The following TTC28 variants were observed in gnomAD, a reference collection of about 807,000 sequenced individuals.
The protein encoded by TTC28 is tetratricopeptide repeat protein 28.
TTC28 carries 61 observed loss-of-function variants against 198.0 expected under a neutral mutation model. That is an observed-to-expected ratio of 0.31 (90% confidence interval 0.25 to 0.38). TTC28 has a LOEUF of 0.38. TTC28 is among the 10% of genes least tolerant of loss of function. TTC28 has a pLI of 1.00. For missense variants in TTC28, 2,678 were observed against 3,164.0 expected (o/e 0.85, Z 3.69); for synonymous variants, 1,171 against 1,297.8 (o/e 0.90, Z 2.10).
In TTC28 at chr22:27,992,663, C is replaced by T; in HGVS notation, c.5477G>A (p.Gly1826Asp). 1 of 1,551,276 alleles carries T rather than the reference C, an allele frequency of 6.4e-7. No individual in the cohort carries two copies. Among genetic ancestry groups the T allele is most frequent in the Non-Finnish European group, 8.7e-7 (1 of 1,146,918 alleles). Reference sequence around the variant, plus strand: ...GGCTTGGAGGGCAGGATTGGGCAGACCTAAACCAAGAAAAAAGGGTAGAAG... The same window carrying T: ...GGCTTGGAGGGCAGGATTGGGCAGATCTAAACCAAGAAAAAAGGGTAGAAG... ...QCSSTLQSLL[G>D]LPNPALQALC... The change falls in exon 19 of 23, where the codon GGT becomes GAT. Residue 1826 changes from glycine (G) to aspartate (D), a missense_variant and splice_region_variant. Gly to Asp is a moderately conservative substitution (Grantham distance 94). Around this residue, in one of 8 missense-constraint regions of TTC28, gnomAD observed 314 missense variants for 442.7 expected, o/e 0.71. Transcript: ENST00000397906.
intron 1 of TTC28, among the ~76,000 whole-genome samples, chr22:28,659,232 T>C (rs2051705411): frequency 6.6e-6 from 1 of 152,202 alleles, no homozygotes; most frequent in South Asian, 2.1e-4. Flanking sequence ...CTCTAAACAT[T>C]CAACTGTTTC....
At chr22:28,438,973 T>C (rs2047568616) in intron 2 of TTC28, among the ~76,000 whole-genome samples, 1 of 152,272 alleles carries the variant, frequency 6.6e-6, no homozygotes, top group East Asian at 1.9e-4. Context: ...TACAAAAGAT[T>C]AGAAATGAGT....
intron 2 of TTC28, among the ~76,000 whole-genome samples, chr22:28,444,937 T>C (rs1048352454): frequency 2.0e-5 from 3 of 152,178 alleles, no homozygotes; most frequent in Non-Finnish European, 2.9e-5. Context: ...ATATTTGACA[T>C]ATCAAAATCA....
At chr22:28,204,016 G>A (rs1189968480) in intron 5 of TTC28, among the ~76,000 whole-genome samples, 1 of 152,154 alleles carries the variant, frequency 6.6e-6, no homozygotes, top group African/African-American at 2.4e-5. Flanking sequence ...ACCTCTGCCT[G>A]TCAAAACTTC....
chr22:28,121,076 T>C (rs143178305), intron 6 of TTC28, among the ~76,000 whole-genome samples: 39 of 152,346 alleles, frequency 2.6e-4, no homozygotes, highest in Non-Finnish European at 4.4e-4. Context: ...TTCTGTTTAA[T>C]TGAGAGGAAC....
chr22:28,386,859 ATACTTT>A (rs1431983247), intron 2 of TTC28, among the ~76,000 whole-genome samples: 6 of 151,634 alleles, frequency 4.0e-5, no homozygotes, highest in Non-Finnish European at 7.4e-5. Context: ...TATTATTATT[ATACTTT>A]AAGTTTTAGG....
intron 5 of TTC28, among the ~76,000 whole-genome samples, chr22:28,275,132 A>G (rs1932339328): frequency 6.6e-6 from 1 of 152,214 alleles, no homozygotes; most frequent in South Asian, 2.1e-4. Flanking sequence ...TGGAAGAACC[A>G]GAAGAACTTT....
chr22:28,644,182 G>A (rs1448691626), intron 1 of TTC28, among the ~76,000 whole-genome samples: 3 of 150,632 alleles, frequency 2.0e-5, no homozygotes, highest in Admixed American at 1.3e-4. Flanking sequence ...GGCGGATCAC[G>A]AGGTCAGGAG....
intron 1 of TTC28, among the ~76,000 whole-genome samples, chr22:28,653,298 G>C (rs1337868374): frequency 6.6e-6 from 1 of 152,178 alleles, no homozygotes; most frequent in Non-Finnish European, 1.5e-5. Context: ...GAGCCCAGGA[G>C]TTCCAGACCA....
chr22:28,601,446 CTTCT>C (rs1364661705), intron 2 of TTC28, among the ~76,000 whole-genome samples: 1 of 152,092 alleles, frequency 6.6e-6, no homozygotes, highest in Non-Finnish European at 1.5e-5. Context: ...AACATATAGA[CTTCT>C]TTTTTTGTCA....
chr22:28,450,112 A>G (rs1446985778), intron 2 of TTC28, among the ~76,000 whole-genome samples: 1 of 152,156 alleles, frequency 6.6e-6, no homozygotes, highest in East Asian at 1.9e-4. Flanking sequence ...AGATATTGAT[A>G]TAGATATGGA....
At position 28,387,980 on chromosome 22, in the gene TTC28, C is replaced by T. The variant is rs62237626; in HGVS notation, c.382-81337G>A. On this transcript the variant is annotated intron_variant, in intron 2 of 22. Transcript: ENST00000397906. Reference sequence around the variant, plus strand: ...TTCTAGGGTTTTTATGGTTTTAGGTCTAACGTTTAAGTCTTTAATCCATCT... The same window carrying T: ...TTCTAGGGTTTTTATGGTTTTAGGTTTAACGTTTAAGTCTTTAATCCATCT... Among the ~76,000 whole-genome samples the T allele has an allele frequency of 2.6e-3, 402 of 152,236 alleles. 1 individual carries two copies. The highest frequency in any genetic ancestry group is 4.0e-3 in the Non-Finnish European group (274 of 68,016).
chr22:28,648,274 A>C (rs1454961701), intron 1 of TTC28, among the ~76,000 whole-genome samples: 1 of 151,882 alleles, frequency 6.6e-6, no homozygotes, highest in Non-Finnish European at 1.5e-5. Flanking sequence ...AGGGAAATGC[A>C]CATTAAAACC....
intron 5 of TTC28, among the ~76,000 whole-genome samples, chr22:28,170,980 CTT>C (rs76585422): frequency 3.8e-5 from 5 of 132,784 alleles, no homozygotes; most frequent in East Asian, 2.2e-4. Context: ...GCCACTCATT[CTT>C]TTTTTTTTTT....
intron 5 of TTC28, among the ~76,000 whole-genome samples, chr22:28,256,647 G>A (rs952658910): frequency 1.3e-5 from 2 of 152,166 alleles, no homozygotes; most frequent in African/African-American, 2.4e-5. Context: ...CAAGGCTGGA[G>A]ATATCACATT....
At chr22:28,085,235 GA>G (rs1941535242) in intron 12 of TTC28, among the ~76,000 whole-genome samples, 1 of 151,954 alleles carries the variant, frequency 6.6e-6, no homozygotes, top group Non-Finnish European at 1.5e-5. Context: ...TGAAATGAAG[GA>G]AAAAATGTTA....
intron 2 of TTC28, among the ~76,000 whole-genome samples, chr22:28,545,547 C>G (rs1489803738): frequency 6.6e-6 from 1 of 152,124 alleles, no homozygotes; most frequent in Non-Finnish European, 1.5e-5. Flanking sequence ...CCACTCTTCT[C>G]TAGCCCAGGT....
In TTC28 at chr22:27,983,615, C is replaced by T. The variant is rs1016281218; in HGVS notation, c.6052G>A (p.Gly2018Arg). Residue 2018 changes from glycine (G) to arginine (R), a missense_variant, in exon 23 of 23, where the codon GGA (glycine) becomes AGA (arginine). Around this residue, in one of 8 missense-constraint regions of TTC28, gnomAD observed 622 missense variants for 656.0 expected, o/e 0.95. Transcript: ENST00000397906. The stretch of plus-strand genomic sequence containing the variant: ...GACCGGTCATGGTCCTGCCGTCCTC[C>T]GGGGCCTCCACCCTCTGATCCACCC... ...PEGGSEGGGPGGRQDHDRSKN... is the reference protein window; with the variant it reads ...PEGGSEGGGPRGRQDHDRSKN... 13 of 1,544,722 alleles carry T rather than the reference C, an allele frequency of 8.4e-6. No individual in the cohort carries two copies. Among genetic ancestry groups the T allele is most frequent in the South Asian group, 2.4e-5 (2 of 83,126 alleles).
intron 2 of TTC28, among the ~76,000 whole-genome samples, chr22:28,432,694 T>A (rs1477396572): frequency 2.0e-5 from 3 of 152,232 alleles, no homozygotes; most frequent in Non-Finnish European, 4.4e-5. Context: ...ATCAATGAGA[T>A]CTATTTTGTA....
Sources: gnomAD v4.1 joint callset for allele counts (sites outside exome capture counted in the v4.1 genomes callset) on GRCh38, gnomAD v4.1.1 for gene constraint, gnomAD v4.1.1 regional missense constraint, MANE v1.5 for transcripts, NCBI Gene and HGNC (gene_info 2026-07-23, HGNC 2026-07-21) for gene names.